Variants in UGT8 observed in about 807,000 individuals in gnomAD.
UGT8 encodes 2-hydroxyacylsphingosine 1-beta-galactosyltransferase.
In UGT8, 12 loss-of-function variants were observed where a neutral mutation model predicts 40.5. The ratio of observed to expected loss-of-function variants is 0.30; its 90% CI spans 0.19 to 0.48. The LOEUF is 0.48. Ranked by LOEUF, UGT8 falls within the 20% of genes least tolerant of loss-of-function variation. The pLI, the probability that UGT8 is intolerant of heterozygous loss-of-function variation, is 0.99. For missense variants in UGT8, 513 were observed against 648.7 expected, an observed-to-expected ratio of 0.79 and a Z score of 2.27; for synonymous variants, 224 against 240.4, an observed-to-expected ratio of 0.93 and a Z score of 0.63.
intron 2 of UGT8, among the ~76,000 whole-genome samples, chr4:114,641,702 A>G (rs948369933): frequency 6.6e-6 from 1 of 152,212 alleles, no homozygotes; most frequent in African/African-American, 2.4e-5. Context: ...CCACTGTAGT[A>G]AACTGGAGAA....
intron 2 of UGT8, among the ~76,000 whole-genome samples, chr4:114,630,635 G>C (rs140905294): frequency 1.3e-5 from 2 of 151,544 alleles, no homozygotes; most frequent in Middle Eastern, 3.4e-3. Context: ...TTTCCATCTT[G>C]GGGATTTTTT....
chr4:114,618,530 T>C (rs1179645746), intron 1 of UGT8, among the ~76,000 whole-genome samples: 1 of 152,208 alleles, frequency 6.6e-6, no homozygotes, highest in Non-Finnish European at 1.5e-5. Context: ...TTCACTCAAA[T>C]TTCCAGTGGA....
chr4:114,676,363 AC>A lies in UGT8; in HGVS notation c.*76del, dbSNP rs1308896951. On this transcript the variant is annotated 3_prime_UTR_variant, in exon 6 of 6. Coordinates refer to ENST00000310836, the MANE Select transcript of UGT8 (RefSeq NM_001128174.3). The stretch of plus-strand genomic sequence containing the variant: ...ATTGCTATTATTTAGTCTAACAGCT[AC>A]TAAAAGTAAAACATCAGTAAACAAT... 2 of 1,272,718 alleles carry A rather than the reference AC, an allele frequency of 1.6e-6. No individual in the cohort carries two copies. The highest frequency in any genetic ancestry group is 2.2e-6 in the Non-Finnish European group (2 of 924,362). The allele number at this position is 1,272,718 out of a possible 1,614,324, so 78.8% of individuals were successfully genotyped here. A position where few individuals can be genotyped will look rare whatever the true frequency, so the allele number is the denominator to read the frequency against.
At chr4:114,607,148 GC>G (rs1730783300) in intron 1 of UGT8, among the ~76,000 whole-genome samples, 1 of 152,126 alleles carries the variant, frequency 6.6e-6, no homozygotes, top group South Asian at 2.1e-4. Context: ...CTGAAGCATA[GC>G]CCTATAGGTA....
chr4:114,670,344 T>C (rs1735161808), intron 5 of UGT8, among the ~76,000 whole-genome samples: 1 of 133,430 alleles, frequency 7.5e-6, no homozygotes, highest in Admixed American at 9.2e-5. Flanking sequence ...GGCAGGAGAA[T>C]GGCGTGAACC....
intron 1 of UGT8, among the ~76,000 whole-genome samples, chr4:114,621,029 A>G (rs1731752301): frequency 6.6e-6 from 1 of 152,086 alleles, no homozygotes; most frequent in Non-Finnish European, 1.5e-5. Context: ...TCTAATTTAG[A>G]GTCTAAGAAT....
At chr4:114,645,737 T>C (rs374221779) in intron 2 of UGT8, among the ~76,000 whole-genome samples, 2 of 152,238 alleles carry the variant, frequency 1.3e-5, no homozygotes, top group East Asian at 3.9e-4. Flanking sequence ...AAAAGACAAT[T>C]TCACAAAGGT....
chr4:114,670,339 G>T (rs1464358368), intron 5 of UGT8, among the ~76,000 whole-genome samples: 2 of 140,936 alleles, frequency 1.4e-5, no homozygotes, highest in African/African-American at 2.6e-5. Flanking sequence ...GCTGAGGCAG[G>T]AGAATGGCGT....
intron 1 of UGT8, among the ~76,000 whole-genome samples, chr4:114,617,704 G>A (rs1170767914): frequency 1.3e-5 from 2 of 152,180 alleles, no homozygotes; most frequent in African/African-American, 4.8e-5. Context: ...TGGAAAATGG[G>A]CATTTGTATG....
At chr4:114,621,066 G>A (rs1731755810) in intron 1 of UGT8, among the ~76,000 whole-genome samples, 1 of 152,072 alleles carries the variant, frequency 6.6e-6, no homozygotes, top group Non-Finnish European at 1.5e-5. Flanking sequence ...GTTGGTGGGT[G>A]TATTTGCACA....
chr4:114,650,998 C>G (rs1733865679), intron 2 of UGT8, among the ~76,000 whole-genome samples: 1 of 151,942 alleles, frequency 6.6e-6, no homozygotes, highest in East Asian at 1.9e-4. Flanking sequence ...CTGAAACTCA[C>G]CTTTTCAGAA....
chr4:114,628,178 C>G (rs1412524593), intron 2 of UGT8, among the ~76,000 whole-genome samples: 1 of 151,936 alleles, frequency 6.6e-6, no homozygotes, highest in African/African-American at 2.4e-5. Flanking sequence ...CTCACTCTGT[C>G]ACCCAGGCTG....
intron 2 of UGT8, among the ~76,000 whole-genome samples, chr4:114,641,434 G>A (rs921475934): frequency 3.3e-5 from 5 of 152,050 alleles, no homozygotes; most frequent in Admixed American, 6.5e-5. Context: ...TCCAATTCAC[G>A]GAAGCTATGA....
chr4:114,676,608 G>A lies in UGT8; in HGVS notation c.*320G>A, dbSNP rs1735662953. The A allele has an allele frequency of 4.3e-6, 1 of 232,818 alleles. No individual in the cohort carries two copies. Among genetic ancestry groups the A allele is most frequent in the African/African-American group, 2.3e-5 (1 of 43,216 alleles). 14.4% of individuals were successfully genotyped at this position (232,818 alleles called of 1,614,324 possible). On this transcript the variant is annotated 3_prime_UTR_variant, in exon 6 of 6. Transcript: ENST00000310836. ...TATGTGCGTGTCCCGGATCAGGAAT[G>A]GTTTCATTTTTCTTAATAATGTGTG...
intron 2 of UGT8, among the ~76,000 whole-genome samples, chr4:114,641,482 A>C: frequency 6.6e-6 from 1 of 152,192 alleles, no homozygotes; most frequent in East Asian, 1.9e-4. Flanking sequence ...AGACCTAGAA[A>C]ATTTTCATAA....
chr4:114,617,234 A>G (rs1731497858), intron 1 of UGT8, among the ~76,000 whole-genome samples: 1 of 152,224 alleles, frequency 6.6e-6, no homozygotes, highest in African/African-American at 2.4e-5. Flanking sequence ...AGCCTGAGCT[A>G]CAGAGCAAGA....
intron 2 of UGT8, among the ~76,000 whole-genome samples, chr4:114,662,238 C>G (rs1223291206): frequency 1.3e-5 from 2 of 152,202 alleles, no homozygotes. Flanking sequence ...GAAACGTACT[C>G]AGAACACTTC....
At chr4:114,650,129 G>A (rs1323037075) in intron 2 of UGT8, among the ~76,000 whole-genome samples, 2 of 152,138 alleles carry the variant, frequency 1.3e-5, no homozygotes, top group Non-Finnish European at 2.9e-5. Flanking sequence ...CCTCTCTTCA[G>A]GTGCTAAATC....
chr4:114,666,406 A>C lies in UGT8; in HGVS notation c.1042+650A>C, dbSNP rs1734882354. ...TTTTAACTAAATTAGTTTTTTAACTAAATTTAACTAAAAACCAGTAAAGAA... is the reference window on the plus strand; with the variant it reads ...TTTTAACTAAATTAGTTTTTTAACTCAATTTAACTAAAAACCAGTAAAGAA... On this transcript the variant is annotated intron_variant, in intron 4 of 5. Coordinates refer to ENST00000310836, the MANE Select transcript of UGT8 (RefSeq NM_001128174.3). Among the ~76,000 whole-genome samples, 5 of 152,134 alleles carry C rather than the reference A, an allele frequency of 3.3e-5. No individual in the cohort carries two copies. In the South Asian group the frequency reaches 1.0e-3, roughly 32 times the overall value.
Sources: allele counts gnomAD v4.1 joint callset (sites outside exome capture counted in the v4.1 genomes callset), GRCh38; gene constraint gnomAD v4.1.1; transcripts MANE v1.5; gene names NCBI Gene and HGNC (gene_info 2026-07-23, HGNC 2026-07-21).